Variants in ERC2 observed in about 807,000 individuals in gnomAD.
The protein encoded by ERC2 is ERC protein 2.
In ERC2, 42 loss-of-function variants were observed where a neutral mutation model predicts 114.8. The ratio of observed to expected loss-of-function variants is 0.37; its 90% CI spans 0.29 to 0.47. ERC2 has a LOEUF of 0.47. ERC2 is among the 20% of genes least tolerant of loss of function. ERC2 has a pLI of 0.99. For synonymous variants in ERC2, 454 were observed against 425.5 expected, an observed-to-expected ratio of 1.07 and a Z score of -0.82; for missense variants, 939 against 1,150.7, an observed-to-expected ratio of 0.82 and a Z score of 2.66.
intron 7 of ERC2, among the ~76,000 whole-genome samples, chr3:56,045,409 A>G (rs1311210479): frequency 6.6e-6 from 1 of 152,098 alleles, no homozygotes; most frequent in African/African-American, 2.4e-5. Context: ...AGTGTGTTCT[A>G]CCTACATGGC....
chr3:55,835,233 T>G (rs2060817517), intron 14 of ERC2, among the ~76,000 whole-genome samples: 1 of 152,052 alleles, frequency 6.6e-6, no homozygotes. Context: ...AAAGAGGGAA[T>G]CCTCCCTAAC....
chr3:56,318,880 T>C (rs1452195893), intron 2 of ERC2, among the ~76,000 whole-genome samples: 4 of 151,218 alleles, frequency 2.6e-5, no homozygotes, highest in East Asian at 3.9e-4. Flanking sequence ...GGAGGTTTGC[T>C]TGAGCCTAGG....
intron 3 of ERC2, among the ~76,000 whole-genome samples, chr3:56,204,991 T>G (rs528590547): frequency 1.3e-3 from 193 of 152,146 alleles, no homozygotes; most frequent in Non-Finnish European, 2.5e-3. Context: ...CATGCTGGAT[T>G]TAAGTTGTCT....
chr3:56,285,736 A>AT (rs758804411), intron 3 of ERC2, among the ~76,000 whole-genome samples: 1 of 152,176 alleles, frequency 6.6e-6, no homozygotes, highest in Non-Finnish European at 1.5e-5. Context: ...ACATGTCAAT[A>AT]TTTTTTAACA....
chr3:56,034,616 G>A (rs1478154000), intron 7 of ERC2, among the ~76,000 whole-genome samples: 3 of 152,102 alleles, frequency 2.0e-5, no homozygotes, highest in Admixed American at 2.0e-4. Flanking sequence ...TAAGAAGATT[G>A]AAATCATATC....
Position 56,010,455 on chromosome 3 carries a change from C to T in ERC2, c.1914G>A (p.Glu638=). 6.2e-7 allele frequency: 1 copy of T among 1,612,884 alleles called. No individual in the cohort carries two copies. The highest frequency in any genetic ancestry group is 8.5e-7 in the Non-Finnish European group (1 of 1,179,466). The change falls in exon 9 of 18, where the codon GAG becomes GAA. Residue 638 remains glutamate (E), a synonymous_variant. Coordinates refer to ENST00000288221, the MANE Select transcript of ERC2 (RefSeq NM_015576.3). The part of the protein sequence containing the change: ...KVNALQAELT[E]KESSLIDLKE... The stretch of plus-strand genomic sequence containing the variant: ...TTTGTTTTTCCAGACTCACCTCTTT[C>T]TCAGTCAGTTCAGCCTGTAAAGCAT...
At position 55,536,400 on chromosome 3, in the gene ERC2, A is replaced by C. The variant is rs542648786; in HGVS notation, c.*40-25124T>G. On this transcript the variant is annotated intron_variant, in intron 17 of 17. Coordinates refer to ENST00000288221, the MANE Select transcript of ERC2 (RefSeq NM_015576.3). ...CCAGACGTAGCTGTGCGGTCCTCCC[A>C]GCTGGGCTGTGAGCTCCATGGAGAC... Among the ~76,000 whole-genome samples the C allele has an allele frequency of 7.9e-5, 12 of 152,296 alleles. No homozygotes were observed. In the South Asian group the frequency reaches 2.5e-3, roughly 32 times the overall value.
At chr3:55,916,890 G>A (rs144355895) in intron 13 of ERC2, among the ~76,000 whole-genome samples, 1 of 152,298 alleles carries the variant, frequency 6.6e-6, no homozygotes, top group East Asian at 1.9e-4. Context: ...TAGGACAGGG[G>A]TGGGCACTCA....
intron 2 of ERC2, among the ~76,000 whole-genome samples, chr3:56,407,631 G>C (rs527818096): frequency 6.6e-6 from 1 of 152,266 alleles, no homozygotes; most frequent in East Asian, 1.9e-4. Context: ...ACTAAGTCTA[G>C]GTGGAGGGGT....
chr3:56,283,399 G>A (rs972417330), intron 3 of ERC2, among the ~76,000 whole-genome samples: 1 of 152,156 alleles, frequency 6.6e-6, no homozygotes, highest in African/African-American at 2.4e-5. Context: ...GGGAGGCCAA[G>A]GCAGGAGGAT....
intron 13 of ERC2, among the ~76,000 whole-genome samples, chr3:55,909,756 G>A (rs1436875107): frequency 2.0e-5 from 3 of 152,116 alleles, no homozygotes; most frequent in Non-Finnish European, 2.9e-5. Context: ...GGGACAGAGA[G>A]GGACCCTCAT....
At chr3:55,882,275 C>A (rs62253660) in intron 14 of ERC2, among the ~76,000 whole-genome samples, 14,838 of 152,182 alleles carry the variant, frequency 0.098, 830 homozygotes, top group South Asian at 0.16. Flanking sequence ...TCCCTTCTGC[C>A]GTAAGTGGAA....
chr3:55,897,236 A>G (rs2149337112), intron 13 of ERC2, among the ~76,000 whole-genome samples: 1 of 152,340 alleles, frequency 6.6e-6, no homozygotes, highest in South Asian at 2.1e-4. Flanking sequence ...TCCAGGTTCC[A>G]TGCATCTCTT....
At chr3:56,424,800 A>AT (rs1032295799) in intron 2 of ERC2, among the ~76,000 whole-genome samples, 3 of 152,122 alleles carry the variant, frequency 2.0e-5, no homozygotes, top group Admixed American at 1.3e-4. Context: ...AGATGGACTC[A>AT]TTTTTTTGTC....
chr3:55,834,291 A>C (rs1316876638), intron 14 of ERC2, among the ~76,000 whole-genome samples: 8 of 152,102 alleles, frequency 5.3e-5, no homozygotes, highest in Admixed American at 2.6e-4. Flanking sequence ...CTCCACCCCA[A>C]ATCAACAGAA....
intron 17 of ERC2, among the ~76,000 whole-genome samples, chr3:55,608,155 A>C (rs547651375): frequency 2.0e-4 from 31 of 152,332 alleles, no homozygotes; most frequent in African/African-American, 7.5e-4. Flanking sequence ...CACGTAGTCC[A>C]AAGTAGCTTT....
chr3:56,075,230 T>C (rs369798028), intron 7 of ERC2, among the ~76,000 whole-genome samples: 1 of 152,148 alleles, frequency 6.6e-6, no homozygotes, highest in Non-Finnish European at 1.5e-5. Context: ...TCTGATTAGA[T>C]CCTGCCAATG....
chr3:56,214,753 GTTACCC>G (rs2049334851), intron 3 of ERC2, among the ~76,000 whole-genome samples: 1 of 151,870 alleles, frequency 6.6e-6, no homozygotes, highest in Non-Finnish European at 1.5e-5. Context: ...GAAAGGTCAT[GTTACCC>G]ACAAAGGGAA....
In ERC2 at chr3:56,152,977, A is replaced by G. The variant is rs149586134; in HGVS notation, c.1150-3845T>C. Among the ~76,000 whole-genome samples the G allele has an allele frequency of 1.5e-3, 233 of 152,298 alleles. 2 individuals are homozygous for G. The highest frequency in any genetic ancestry group is 5.5e-3 in the African/African-American group (228 of 41,562). On this transcript the variant is annotated intron_variant, in intron 4 of 17. Transcript: ENST00000288221. The stretch of plus-strand genomic sequence containing the variant: ...CCGCACTAATGTCTAAGCCAGCCTT[A>G]AATACTAGCACTAGCCCATGACGGC...
Sources: allele counts gnomAD v4.1 joint callset (sites outside exome capture counted in the v4.1 genomes callset), GRCh38; gene constraint gnomAD v4.1.1; transcripts MANE v1.5; gene names NCBI Gene and HGNC (gene_info 2026-07-23, HGNC 2026-07-21).